The following DSCAM variants were observed in gnomAD, a reference collection of about 807,000 sequenced individuals.
The protein encoded by DSCAM is DS cell adhesion molecule, also known as cell adhesion molecule DSCAM.
Under a neutral mutation model 217.7 loss-of-function variants are expected in DSCAM, and 47 were observed. That is an observed-to-expected ratio of 0.22 (90% confidence interval 0.17 to 0.28). The LOEUF is 0.28. Ranked by LOEUF, DSCAM falls within the 10% of genes least tolerant of loss-of-function variation. The pLI is 1.00. For missense variants in DSCAM, 2,080 were observed against 2,618.3 expected (o/e 0.79, Z 4.49); for synonymous variants, 1,056 against 1,015.3 (o/e 1.04, Z -0.76).
Position 40,338,343 on chromosome 21 carries a change from G to A in DSCAM, c.1541C>T (p.Thr514Ile), listed in dbSNP as rs757185692. ...PASIRPMKNI[T>I]AIAGRDTYIH... is the part of the protein sequence containing the mutation. ...GTATGTGTCCCGTCCTGCTATTGCTGTGATGTTTTTCATTGGTCGAATGCT... is the reference window on the plus strand; with the variant it reads ...GTATGTGTCCCGTCCTGCTATTGCTATGATGTTTTTCATTGGTCGAATGCT... The change falls in exon 8 of 33, where the codon ACA becomes ATA. Residue 514 changes from threonine (T) to isoleucine (I), a missense_variant. Coordinates refer to ENST00000400454, the MANE Select transcript of DSCAM (RefSeq NM_001389.5). The A allele has an allele frequency of 6.2e-7, 1 of 1,614,008 alleles. No homozygotes were observed. The highest frequency in any genetic ancestry group is 2.2e-5 in the East Asian group (1 of 44,864).
chr21:40,665,840 A>G (rs1447659908), intron 3 of DSCAM, among the ~76,000 whole-genome samples: 1 of 152,152 alleles, frequency 6.6e-6, no homozygotes, highest in Non-Finnish European at 1.5e-5. Context: ...GAAGACAGAA[A>G]TTGTCCGCTG....
intron 11 of DSCAM, among the ~76,000 whole-genome samples, chr21:40,225,332 C>T (rs970115328): frequency 7.9e-5 from 12 of 152,180 alleles, no homozygotes; most frequent in South Asian, 2.1e-4. Flanking sequence ...AAGCCCATGA[C>T]ATCTGCCTTG....
At chr21:40,788,345 T>C (rs549951355) in intron 1 of DSCAM, among the ~76,000 whole-genome samples, 1 of 152,326 alleles carries the variant, frequency 6.6e-6, no homozygotes, top group Admixed American at 6.5e-5. Flanking sequence ...TTACTTGTTT[T>C]GTTTGTAAGT....
intron 1 of DSCAM, among the ~76,000 whole-genome samples, chr21:40,714,302 C>A (rs899808954): frequency 3.3e-5 from 5 of 152,068 alleles, no homozygotes; most frequent in African/African-American, 1.2e-4. Context: ...GTAGAGCTAC[C>A]AGCACATAAC....
intron 1 of DSCAM, among the ~76,000 whole-genome samples, chr21:40,829,226 AGTATTCACTT>A (rs2091993756): frequency 6.6e-6 from 1 of 152,236 alleles, no homozygotes; most frequent in Non-Finnish European, 1.5e-5. Flanking sequence ...GAATAGTCCA[AGTATTCACTT>A]GATTCTTCGG....
In DSCAM at chr21:40,777,033, T is replaced by C. The variant is rs181775351; in HGVS notation, c.44-68262A>G. On this transcript the variant is annotated intron_variant, in intron 1 of 32. Coordinates refer to ENST00000400454, the MANE Select transcript of DSCAM (RefSeq NM_001389.5). ...CTGGACTGCTTTCACAAAAATACCA[T>C]AGACTGGATGACTTATAAACAACAT... Among the ~76,000 whole-genome samples the C allele has an allele frequency of 1.9e-3, 294 of 152,268 alleles. 2 individuals are homozygous for C. Among genetic ancestry groups the C allele is most frequent in the Middle Eastern group, 0.01 (3 of 294 alleles).
At chr21:40,280,379 G>A (rs886932140) in intron 10 of DSCAM, among the ~76,000 whole-genome samples, 1 of 151,806 alleles carries the variant, frequency 6.6e-6, no homozygotes, top group African/African-American at 2.4e-5. Context: ...TTGTAAAGAT[G>A]GGGTCTTGCT....
chr21:40,565,792 A>G (rs1171986882), intron 3 of DSCAM, among the ~76,000 whole-genome samples: 1 of 152,168 alleles, frequency 6.6e-6, no homozygotes, highest in African/African-American at 2.4e-5. Context: ...ATCACTTTCA[A>G]CTACACAGAA....
chr21:40,190,052 C>G (rs978704386), intron 11 of DSCAM, among the ~76,000 whole-genome samples: 1 of 152,290 alleles, frequency 6.6e-6, no homozygotes, highest in African/African-American at 2.4e-5. Context: ...ATAAACCTTG[C>G]AAACCTTTAT....
rs763435750 is a variant in DSCAM at position 40,021,205 on chromosome 21, C to CAA, written c.5687-7821_5687-7820dup. Among the ~76,000 whole-genome samples, 783 of 84,614 alleles carry CAA rather than the reference C, an allele frequency of 9.3e-3. 14 individuals are homozygous for CAA. The highest frequency in any genetic ancestry group is 0.031 in the South Asian group (63 of 2,062). The allele number at this position is 84,614 out of a possible 152,430, so 55.5% of individuals were successfully genotyped here. On this transcript the variant is annotated intron_variant, in intron 32 of 32. Coordinates refer to ENST00000400454, the MANE Select transcript of DSCAM (RefSeq NM_001389.5). ...TGGGCGATAGAGCGAGACTCCGTCT[C>CAA]AAAAAAAAAAAAAAAAAAAAAGAAA... is the stretch of plus-strand genomic sequence containing the variant.
intron 1 of DSCAM, among the ~76,000 whole-genome samples, chr21:40,801,628 T>C (rs2091741424): frequency 6.6e-6 from 1 of 152,150 alleles, no homozygotes; most frequent in Non-Finnish European, 1.5e-5. Context: ...GAGGACTCTG[T>C]TTCCTGCACT....
At chr21:40,124,453 C>A in intron 19 of DSCAM, 125 bp from the exon 20 acceptor site, 1 of 1,219,296 alleles carries the variant, frequency 8.2e-7, no homozygotes, top group Non-Finnish European at 1.1e-6. Context: ...TTATGGGTTC[C>A]GCTGTGTCCC....
At chr21:40,780,294 T>C (rs1346449314) in intron 1 of DSCAM, among the ~76,000 whole-genome samples, 1 of 152,020 alleles carries the variant, frequency 6.6e-6, no homozygotes, top group Non-Finnish European at 1.5e-5. Context: ...CTCTAGAAAC[T>C]GACATGCAAC....
At chr21:40,421,609 C>G (rs1005746013) in intron 3 of DSCAM, among the ~76,000 whole-genome samples, 2 of 152,216 alleles carry the variant, frequency 1.3e-5, no homozygotes, top group African/African-American at 4.8e-5. Flanking sequence ...CAGAGCCTTT[C>G]TTTTACTGCC....
intron 14 of DSCAM, among the ~76,000 whole-genome samples, chr21:40,185,387 C>T (rs768822431): frequency 6.0e-4 from 92 of 152,170 alleles, no homozygotes; most frequent in Non-Finnish European, 7.1e-4. Context: ...GCTGGTGCAA[C>T]GCAGGCCCAG....
chr21:40,407,664 TC>T (rs978821682), intron 3 of DSCAM, among the ~76,000 whole-genome samples: 4 of 152,152 alleles, frequency 2.6e-5, no homozygotes, highest in Non-Finnish European at 5.9e-5. Context: ...GTAGCGAGGC[TC>T]CAGAGGTCTG....
At chr21:40,510,010 G>A (rs2146057493) in intron 3 of DSCAM, among the ~76,000 whole-genome samples, 1 of 152,220 alleles carries the variant, frequency 6.6e-6, no homozygotes, top group East Asian at 1.9e-4. Flanking sequence ...TGTAGTCCCA[G>A]CTACTCAGGA....
chr21:40,433,272 T>A (rs8133661), intron 3 of DSCAM, among the ~76,000 whole-genome samples: 1 of 149,928 alleles, frequency 6.7e-6, no homozygotes, highest in African/African-American at 2.5e-5. Flanking sequence ...TTGCTTGAAC[T>A]CGGGAGGTGG....
In DSCAM at chr21:40,521,136, T is replaced by C. The variant is rs368805692; in HGVS notation, c.509-151891A>G. ...TCATTTTTGACCTTCTGATGACATT[T>C]GGTAATGCCTGGAGACATTCTTTGT... On this transcript the variant is annotated intron_variant, in intron 3 of 32. Coordinates refer to ENST00000400454, the MANE Select transcript of DSCAM (RefSeq NM_001389.5). 3.9e-5 allele frequency among the ~76,000 whole-genome samples: 6 copies of C among 152,322 alleles called. No individual in the cohort carries two copies. The East Asian group carries it at 9.6e-4, about 24-fold the overall frequency.
Sources: gnomAD v4.1 joint callset for allele counts (sites outside exome capture counted in the v4.1 genomes callset) on GRCh38, gnomAD v4.1.1 for gene constraint, MANE v1.5 for transcripts, NCBI Gene and HGNC (gene_info 2026-07-23, HGNC 2026-07-21) for gene names.